SPOCK3: variants seen among roughly 807,000 people sequenced by gnomAD.
The protein encoded by SPOCK3 is SPARC (osteonectin), cwcv and kazal like domains proteoglycan 3.
SPOCK3 carries 30 observed loss-of-function variants against 56.6 expected under a neutral mutation model. The observed-to-expected ratio is 0.53, with a 90% confidence interval of 0.40 to 0.72. The LOEUF is 0.72. SPOCK3 is among the 30% of genes least tolerant of loss of function. The probability of loss-of-function intolerance (pLI) is 0.00; values close to 1 mark genes in which losing one functional copy is unlikely to be tolerated. For synonymous variants in SPOCK3, 196 were observed against 183.3 expected (o/e 1.07, Z -0.56); for missense variants, 527 against 530.0 (o/e 0.99, Z 0.06).
intron 8 of SPOCK3, chr4:166,754,146 T>TA (rs570948929): frequency 5.0e-6 from 5 of 1,003,184 alleles, no homozygotes; most frequent in Admixed American, 5.7e-5. Context: ...CGTATAGTGA[T>TA]AAAAAATCCA....
At chr4:167,128,125 C>A (rs532524936) in intron 2 of SPOCK3, among the ~76,000 whole-genome samples, 85 of 152,280 alleles carry the variant, frequency 5.6e-4, no homozygotes, top group African/African-American at 1.6e-3. Context: ...GTTCAAGCTT[C>A]TTTTCCATGC....
chr4:166,767,297 C>G (rs998835209), intron 7 of SPOCK3, among the ~76,000 whole-genome samples: 1 of 151,708 alleles, frequency 6.6e-6, no homozygotes, highest in Admixed American at 6.6e-5. Flanking sequence ...TCAATTTTAG[C>G]TCTTTCCTGC....
chr4:166,766,307 T>G (rs968358060), intron 7 of SPOCK3, among the ~76,000 whole-genome samples: 2 of 152,322 alleles, frequency 1.3e-5, no homozygotes, highest in Non-Finnish European at 2.9e-5. Context: ...CCATTCAGTA[T>G]GATATTGGCT....
chr4:166,997,925 A>C (rs1351569066), intron 4 of SPOCK3, among the ~76,000 whole-genome samples: 1 of 152,148 alleles, frequency 6.6e-6, no homozygotes, highest in African/African-American at 2.4e-5. Flanking sequence ...ATGCAAATGG[A>C]CAAAAATTGA....
chr4:167,111,100 AATGAC>A (rs1306381944), intron 2 of SPOCK3, among the ~76,000 whole-genome samples: 1 of 151,940 alleles, frequency 6.6e-6, no homozygotes, highest in Non-Finnish European at 1.5e-5. Flanking sequence ...TTTTGAAATA[AATGAC>A]ATATTTTCAA....
intron 4 of SPOCK3, among the ~76,000 whole-genome samples, chr4:166,925,721 T>C (rs562212642): frequency 2.0e-5 from 3 of 152,174 alleles, no homozygotes; most frequent in East Asian, 3.9e-4. Context: ...TTTCAAAGCA[T>C]AGAATCTCAA....
chr4:167,047,854 C>A (rs920398286), intron 3 of SPOCK3, among the ~76,000 whole-genome samples: 1 of 152,030 alleles, frequency 6.6e-6, no homozygotes, highest in Non-Finnish European at 1.5e-5. Context: ...TTGAAACCAG[C>A]CTGGCCAACA....
chr4:167,215,584 C>A (rs1014090444), intron 2 of SPOCK3, among the ~76,000 whole-genome samples: 1 of 151,998 alleles, frequency 6.6e-6, no homozygotes, highest in African/African-American at 2.4e-5. Flanking sequence ...GTGAATGTGG[C>A]GTGAAGATAG....
intron 4 of SPOCK3, among the ~76,000 whole-genome samples, chr4:166,994,247 T>C (rs1411726198): frequency 3.3e-5 from 5 of 152,136 alleles, no homozygotes; most frequent in Admixed American, 2.0e-4. Flanking sequence ...ATGGATGAAG[T>C]AGTTCTAATT....
intron 2 of SPOCK3, among the ~76,000 whole-genome samples, chr4:167,217,103 G>C (rs1735438625): frequency 1.3e-5 from 2 of 151,886 alleles, no homozygotes; most frequent in African/African-American, 4.8e-5. Flanking sequence ...AAATTTATGT[G>C]GCTACTTTAT....
chr4:166,894,228 T>C (rs1735102865), intron 5 of SPOCK3, among the ~76,000 whole-genome samples: 1 of 152,100 alleles, frequency 6.6e-6, no homozygotes, highest in Admixed American at 6.6e-5. Flanking sequence ...CTTCTTTTTA[T>C]ATCACAAAAT....
At chr4:167,093,574 A>C (rs188967316) in intron 2 of SPOCK3, among the ~76,000 whole-genome samples, 234 of 152,266 alleles carry the variant, frequency 1.5e-3, no homozygotes, top group African/African-American at 5.5e-3. Flanking sequence ...TAGTTTGCTG[A>C]GAATGATGGT....
intron 3 of SPOCK3, among the ~76,000 whole-genome samples, chr4:167,058,417 A>G (rs1755160039): frequency 6.6e-6 from 1 of 152,198 alleles, no homozygotes; most frequent in African/African-American, 2.4e-5. Context: ...CAAAGAGAAT[A>G]AAATACCTAG....
intron 2 of SPOCK3, among the ~76,000 whole-genome samples, chr4:167,189,404 G>A (rs1013645015): frequency 1.4e-5 from 2 of 145,402 alleles, no homozygotes; most frequent in Non-Finnish European, 1.5e-5. Flanking sequence ...CCATTCATAA[G>A]TATTTAACCA....
At chr4:167,125,223 ATTTATT>A (rs1455668968) in intron 2 of SPOCK3, among the ~76,000 whole-genome samples, 19 of 146,718 alleles carry the variant, frequency 1.3e-4, no homozygotes, top group Admixed American at 1.0e-3. Context: ...TTATTTATTT[ATTTATT>A]TTTATTTATT....
intron 2 of SPOCK3, among the ~76,000 whole-genome samples, chr4:167,172,610 T>C (rs977426635): frequency 6.6e-6 from 1 of 152,182 alleles, no homozygotes; most frequent in Non-Finnish European, 1.5e-5. Context: ...TTTGTCCAAA[T>C]GAGTTAAATC....
intron 6 of SPOCK3, among the ~76,000 whole-genome samples, chr4:166,870,543 TAA>T (rs1204762402): frequency 2.0e-5 from 3 of 151,904 alleles, no homozygotes; most frequent in South Asian, 2.1e-4. Context: ...TAGAAATCAA[TAA>T]GAGAGATAGT....
At chr4:166,870,463 AACAC>A (rs1376348991) in intron 6 of SPOCK3, among the ~76,000 whole-genome samples, 1 of 152,142 alleles carries the variant, frequency 6.6e-6, no homozygotes, top group Non-Finnish European at 1.5e-5. Flanking sequence ...TGGGCCATAA[AACAC>A]ACAATAAAAA....
intron 4 of SPOCK3, among the ~76,000 whole-genome samples, chr4:166,953,173 G>C (rs199634108): frequency 7.3e-5 from 11 of 151,218 alleles, no homozygotes; most frequent in African/African-American, 2.7e-4. Flanking sequence ...GAAAATTTTC[G>C]CAACCTACTC....
Sources: gnomAD v4.1 joint callset for allele counts (sites outside exome capture counted in the v4.1 genomes callset) on GRCh38, gnomAD v4.1.1 for gene constraint, MANE v1.5 for transcripts, NCBI Gene and HGNC (gene_info 2026-07-23, HGNC 2026-07-21) for gene names.